Variants in ERC1 observed in about 807,000 individuals in gnomAD.
The protein encoded by ERC1 is RAB6 interacting protein 2.
A neutral mutation model predicts 132.0 loss-of-function variants in ERC1; 56 were observed. That is an observed-to-expected ratio of 0.42 (90% CI 0.34 to 0.53). The LOEUF (loss-of-function observed/expected upper bound fraction) is 0.53, where lower values mean the gene tolerates loss of function less well. Ranked by LOEUF, ERC1 falls within the 20% of genes least tolerant of loss-of-function variation. The pLI, the probability that ERC1 is intolerant of heterozygous loss-of-function variation, is 0.03. For synonymous variants in ERC1, 478 were observed against 476.1 expected, an observed-to-expected ratio of 1.00 and a Z score of -0.05; for missense variants, 1,202 against 1,349.9, an observed-to-expected ratio of 0.89 and a Z score of 1.72.
intron 14 of ERC1, among the ~76,000 whole-genome samples, chr12:1,272,133 T>G (rs1348924420): frequency 6.6e-6 from 1 of 152,206 alleles, no homozygotes; most frequent in Admixed American, 6.5e-5. Flanking sequence ...TACTTGTGGG[T>G]CAGTTCCCCG....
At chr12:1,441,257 C>T (rs2093144189) in intron 17 of ERC1, among the ~76,000 whole-genome samples, 1 of 151,632 alleles carries the variant, frequency 6.6e-6, no homozygotes, top group African/African-American at 2.4e-5. Flanking sequence ...GATGGGGTTT[C>T]ACCGTATTGG....
intron 18 of ERC1, 51 bp from the exon 19 acceptor site, chr12:1,490,042 A>G: frequency 1.3e-6 from 2 of 1,577,248 alleles, no homozygotes; most frequent in Non-Finnish European, 1.7e-6. Context: ...TTCTTAGCTC[A>G]GTGCAAATGG....
At chr12:1,214,661 TACATACACACAC>T (rs147368787) in intron 12 of ERC1, among the ~76,000 whole-genome samples, 12,211 of 118,050 alleles carry the variant, frequency 0.1, 712 homozygotes, top group Middle Eastern at 0.13. Context: ...CGTGTGTGTA[TACATACACACAC>T]ACACACACAC....
At chr12:1,065,586 C>G (rs1372296752) in intron 2 of ERC1, among the ~76,000 whole-genome samples, 4 of 52,106 alleles carry the variant, frequency 7.7e-5, no homozygotes, top group African/African-American at 3.0e-4. Context: ...TCAGAGATTT[C>G]TTTTTTTGGG....
intron 8 of ERC1, among the ~76,000 whole-genome samples, chr12:1,146,189 C>T (rs149551485): frequency 1.2e-3 from 175 of 151,858 alleles, no homozygotes; most frequent in African/African-American, 3.9e-3. Context: ...AATATTGATT[C>T]TACCCATCCA....
At chr12:1,041,398 G>A (rs1208121285) in intron 2 of ERC1, among the ~76,000 whole-genome samples, 1 of 152,092 alleles carries the variant, frequency 6.6e-6, no homozygotes, top group African/African-American at 2.4e-5. Context: ...GTAGAGACAG[G>A]GTTTTGCCAT....
At chr12:1,376,421 T>C (rs2087923927) in intron 16 of ERC1, among the ~76,000 whole-genome samples, 1 of 152,202 alleles carries the variant, frequency 6.6e-6, no homozygotes, top group African/African-American at 2.4e-5. Flanking sequence ...TACCTCCCGT[T>C]CTGGGTATCC....
rs942616230 is a variant in ERC1 at position 1,492,670 on chromosome 12, T to C, written c.*2440T>C. On this transcript the variant is annotated 3_prime_UTR_variant, in exon 19 of 19. Coordinates refer to ENST00000360905, the MANE Select transcript of ERC1 (RefSeq NM_178040.4). ...AAGCATTTCCGGGACCGATATCATC[T>C]GTCTGGTCTCTGTGAACAGCAAGGA... 1 of 232,974 alleles carries C rather than the reference T, an allele frequency of 4.3e-6. No homozygotes were observed. The highest frequency in any genetic ancestry group is 8.5e-6 in the Non-Finnish European group (1 of 117,802). 14.4% of individuals were successfully genotyped at this position (232,974 alleles called of 1,614,324 possible).
intron 2 of ERC1, among the ~76,000 whole-genome samples, chr12:1,052,776 C>A (rs1438446975): frequency 6.6e-6 from 1 of 152,086 alleles, no homozygotes; most frequent in Non-Finnish European, 1.5e-5. Context: ...TCAAGATCAG[C>A]CTGGCCAACA....
intron 2 of ERC1, among the ~76,000 whole-genome samples, chr12:1,036,500 G>A (rs916924949): frequency 2.0e-5 from 3 of 151,668 alleles, no homozygotes; most frequent in Middle Eastern, 3.4e-3. Context: ...TCAGCCTCCT[G>A]AGTAGCTGGA....
intron 2 of ERC1, among the ~76,000 whole-genome samples, chr12:1,070,823 C>A (rs1331441404): frequency 1.2e-4 from 19 of 152,168 alleles, no homozygotes; most frequent in Admixed American, 1.2e-3. Context: ...ACATTTCCAT[C>A]ATCCCACAAA....
intron 2 of ERC1, among the ~76,000 whole-genome samples, chr12:1,065,480 TTGTGTGTGTGTGTG>T (rs71293132): frequency 9.6e-5 from 12 of 125,014 alleles, no homozygotes; most frequent in Admixed American, 2.4e-4. Context: ...TTTGTACCGT[TTGTGTGTGTGTGTG>T]TGTGTGTGTG....
chr12:1,033,335 C>T (rs1479725104), intron 2 of ERC1, among the ~76,000 whole-genome samples: 2 of 151,838 alleles, frequency 1.3e-5, no homozygotes. Flanking sequence ...CGTGCCTGGC[C>T]AATTTTTTGT....
At position 1,405,780 on chromosome 12, in the gene ERC1, G is replaced by A. The variant is rs116571940; in HGVS notation, c.2926-2369G>A. ...AAAAGTAGATTTTGGGCTGGTCACC[G>A]TGGCTCACGCCTGTAATCCCAACTC... On this transcript the variant is annotated intron_variant, in intron 16 of 18. Coordinates refer to ENST00000360905, the MANE Select transcript of ERC1 (RefSeq NM_178040.4). Among the ~76,000 whole-genome samples, 883 of 152,224 alleles carry A rather than the reference G, an allele frequency of 5.8e-3. 9 individuals are homozygous for A. Among genetic ancestry groups the A allele is most frequent in the African/African-American group, 0.016 (670 of 41,548 alleles).
chr12:1,343,416 A>G (rs1566635919), intron 15 of ERC1, among the ~76,000 whole-genome samples: 1 of 152,182 alleles, frequency 6.6e-6, no homozygotes, highest in Non-Finnish European at 1.5e-5. Flanking sequence ...GCATGAAACT[A>G]TCCCATACAG....
chr12:1,073,852 AC>A (rs139059406), intron 2 of ERC1, among the ~76,000 whole-genome samples: 32,923 of 149,138 alleles, frequency 0.22, 4,148 homozygotes, highest in Middle Eastern at 0.27. Context: ...GATGGCTATG[AC>A]CAATGTGATA....
At chr12:1,477,474 G>A (rs1001134021) in intron 18 of ERC1, among the ~76,000 whole-genome samples, 7 of 152,174 alleles carry the variant, frequency 4.6e-5, no homozygotes, top group Non-Finnish European at 8.8e-5. Flanking sequence ...AACAACACCA[G>A]GACAGGGAAG....
chr12:1,465,738 C>G (rs73028393), intron 18 of ERC1, among the ~76,000 whole-genome samples: 2,002 of 152,330 alleles, frequency 0.013, 21 homozygotes, highest in Non-Finnish European at 0.023. Flanking sequence ...GCCACAGCCT[C>G]TCTCCCCGCA....
chr12:1,017,959 G>T (rs1031157845), intron 1 of ERC1, among the ~76,000 whole-genome samples: 1 of 152,152 alleles, frequency 6.6e-6, no homozygotes, highest in African/African-American at 2.4e-5. Flanking sequence ...GCGTGTGATT[G>T]CTCTGTGTGT....
Sources: allele counts gnomAD v4.1 joint callset (sites outside exome capture counted in the v4.1 genomes callset), GRCh38; gene constraint gnomAD v4.1.1; transcripts MANE v1.5; gene names NCBI Gene and HGNC (gene_info 2026-07-23, HGNC 2026-07-21).